The following CPVL variants were observed in gnomAD, a reference collection of about 807,000 sequenced individuals.
CPVL encodes carboxypeptidase vitellogenic like.
Under a neutral mutation model 63.7 loss-of-function variants are expected in CPVL, and 51 were observed. The observed-to-expected ratio is 0.80, with a 90% CI of 0.64 to 1.01. The LOEUF is 1.01. Among genes scored for constraint, CPVL ranks in the 50% least tolerant of loss-of-function variants. The pLI is 0.00. For synonymous variants in CPVL, 195 were observed against 206.0 expected (o/e 0.95, Z 0.46); for missense variants, 530 against 573.1 (o/e 0.92, Z 0.77).
At chr7:29,023,069 C>T (rs1787168555) in intron 12 of CPVL, among the ~76,000 whole-genome samples, 1 of 152,218 alleles carries the variant, frequency 6.6e-6, no homozygotes, top group Non-Finnish European at 1.5e-5. Context: ...CCCACTACTG[C>T]TATCGCCATT....
chr7:29,131,603 C>T (rs1198266084), intron 1 of CPVL, among the ~76,000 whole-genome samples: 2 of 152,204 alleles, frequency 1.3e-5, no homozygotes, highest in African/African-American at 2.4e-5. Context: ...CTTCCGCCTC[C>T]TGAGGCATAA....
Position 28,995,805 on chromosome 7 carries a change from A to G in CPVL, c.1398T>C (p.Ile466=). 1 of 1,607,814 alleles carries G rather than the reference A, an allele frequency of 6.2e-7. No individual in the cohort carries two copies. The highest frequency in any genetic ancestry group is 2.2e-5 in the East Asian group (1 of 44,602). ...CATAAGGATCCCATCCTTTTCCATA[A>G]ATGAATCGATTAATCATGTCAAAAG... ...LRAFDMINRF[I]YGKGWDPYVG Residue 466 remains isoleucine, a synonymous_variant, in exon 13 of 13, where the codon ATT becomes ATC. Coordinates refer to ENST00000265394, the MANE Select transcript of CPVL (RefSeq NM_031311.5).
intron 5 of CPVL, among the ~76,000 whole-genome samples, chr7:29,167,633 G>A (rs1193263436): frequency 6.6e-6 from 1 of 152,150 alleles, no homozygotes; most frequent in African/African-American, 2.4e-5. Flanking sequence ...TCAGTCAAAA[G>A]TGTGTAAGTG....
At chr7:29,179,716 A>T (rs1459948088) in intron 5 of CPVL, among the ~76,000 whole-genome samples, 6 of 152,120 alleles carry the variant, frequency 3.9e-5, no homozygotes, top group Admixed American at 2.0e-4. Context: ...ATTACAAAAT[A>T]CTTAATAGCT....
chr7:29,042,648 C>A (rs1301811048), intron 11 of CPVL, among the ~76,000 whole-genome samples: 2 of 151,946 alleles, frequency 1.3e-5, no homozygotes, highest in Non-Finnish European at 2.9e-5. Context: ...AATAATAGTA[C>A]CACTAGTAAT....
chr7:29,148,858 G>A (rs1226727410), upstream of CPVL, among the ~76,000 whole-genome samples: 1 of 152,134 alleles, frequency 6.6e-6, no homozygotes, highest in African/African-American at 2.4e-5. Context: ...AAGTGTGTGT[G>A]TGGGGGAACA....
chr7:29,106,699 G>C lies in CPVL; in HGVS notation c.288+6005C>G, dbSNP rs570169943. On this transcript the variant is annotated intron_variant, in intron 3 of 12. Transcript: ENST00000265394. ...CAAAAAAAAACAAAAATTAAAAGTA[G>C]CTCGCATAGTAATCCCCACTCCTTA... Among the ~76,000 whole-genome samples, 25 of 152,194 alleles carry C rather than the reference G, an allele frequency of 1.6e-4. No homozygotes were observed. In the South Asian group the frequency reaches 5.2e-3, roughly 32 times the overall value.
chr7:29,145,273 G>A (rs1281403259), intron 1 of CPVL, among the ~76,000 whole-genome samples: 1 of 151,188 alleles, frequency 6.6e-6, no homozygotes, highest in Non-Finnish European at 1.5e-5. Context: ...GCAAAGAATG[G>A]AAAAAAAATG....
chr7:29,160,721 C>T (rs2073464799), intron 5 of CPVL, among the ~76,000 whole-genome samples: 1 of 152,140 alleles, frequency 6.6e-6, no homozygotes, highest in South Asian at 2.1e-4. Flanking sequence ...TGAGGAAAAA[C>T]CACATATGCA....
chr7:29,083,512 T>C (rs184395030), intron 7 of CPVL, among the ~76,000 whole-genome samples: 54 of 152,268 alleles, frequency 3.5e-4, no homozygotes, highest in African/African-American at 1.2e-3. Context: ...TCTGGAGGGC[T>C]GGAATTACTG....
chr7:29,093,771 T>TA, intron 5 of CPVL, among the ~76,000 whole-genome samples: 1 of 152,220 alleles, frequency 6.6e-6, no homozygotes, highest in Non-Finnish European at 1.5e-5. Flanking sequence ...TTTACTTAAA[T>TA]ACACAGTTAT....
At chr7:29,067,738 A>G (rs1483755319) in intron 9 of CPVL, among the ~76,000 whole-genome samples, 1 of 152,202 alleles carries the variant, frequency 6.6e-6, no homozygotes, top group Non-Finnish European at 1.5e-5. Context: ...CAATCTATCA[A>G]GTACAAATTT....
intron 9 of CPVL, 123 bp from the exon 10 acceptor site, chr7:29,066,244 G>A (rs757978442): frequency 5.2e-5 from 32 of 615,674 alleles, no homozygotes; most frequent in Non-Finnish European, 6.3e-5. Context: ...TTCATCCAGC[G>A]CCCACTTATT....
intron 11 of CPVL, among the ~76,000 whole-genome samples, chr7:29,054,804 T>C (rs1348712463): frequency 6.6e-6 from 1 of 152,208 alleles, no homozygotes; most frequent in African/African-American, 2.4e-5. Context: ...TTTTATCTTT[T>C]CTTCCTGTGT....
At chr7:29,057,503 G>C (rs1033046132) in intron 11 of CPVL, among the ~76,000 whole-genome samples, 1 of 152,162 alleles carries the variant, frequency 6.6e-6, no homozygotes, top group African/African-American at 2.4e-5. Context: ...TAATTTTAAT[G>C]ATGTCCAGCT....
chr7:29,020,072 C>T (rs553506453), intron 12 of CPVL, among the ~76,000 whole-genome samples: 1 of 152,266 alleles, frequency 6.6e-6, no homozygotes, highest in African/African-American at 2.4e-5. Flanking sequence ...TTCCTTTTAC[C>T]ACCTCTGTGG....
At position 29,071,827 on chromosome 7, in the gene CPVL, C is replaced by T. The variant is rs755368190; in HGVS notation, c.810G>A (p.Gln270=). 6.2e-7 allele frequency: 1 copy of T among 1,613,732 alleles called. No individual in the cohort carries two copies. Among genetic ancestry groups the T allele is most frequent in the Admixed American group, 1.7e-5 (1 of 59,976 alleles). ...DEKQKKYFQK[Q]CHECIEHIRK... ...TGATGTGTTCTATGCATTCATGGCACTGCTTCTGGAAGTACTTTTTTTGCT... is the reference window on the plus strand; with the variant it reads ...TGATGTGTTCTATGCATTCATGGCATTGCTTCTGGAAGTACTTTTTTTGCT... Residue 270 remains glutamine (Q), a synonymous_variant, in exon 9 of 13, where the codon CAG becomes CAA. Transcript: ENST00000265394.
intron 1 of CPVL, chr7:29,194,936 G>T (rs368239468): frequency 2.4e-5 from 38 of 1,566,912 alleles, no homozygotes; most frequent in Non-Finnish European, 3.2e-5. Context: ...CGAGGGGCGC[G>T]CGGAGATGGC....
rs566913831 is a variant in CPVL at position 29,174,197 on chromosome 7, C to T, written c.-11+7093G>A. Among the ~76,000 whole-genome samples the T allele has an allele frequency of 2.4e-4, 36 of 152,204 alleles. No homozygotes were observed. In the South Asian group the frequency reaches 6.8e-3, roughly 29 times the overall value. On this transcript the variant is annotated intron_variant, in intron 5 of 16. Transcript: ENST00000409850. ...TGCCCCCACACCTTGATGCTCCTCT[C>T]ATGGGAGCAAAAGCCTTAATTAAGC...
Sources: gnomAD v4.1 joint callset for allele counts (sites outside exome capture counted in the v4.1 genomes callset) on GRCh38, gnomAD v4.1.1 for gene constraint, MANE v1.5 for transcripts, NCBI Gene and HGNC (gene_info 2026-07-23, HGNC 2026-07-21) for gene names.